Variants in GRM3 observed in about 807,000 individuals in gnomAD.
GRM3 encodes the protein metabotropic glutamate receptor 3.
In GRM3, 26 loss-of-function variants were observed where a neutral mutation model predicts 70.5. That is an observed-to-expected ratio of 0.37 (90% confidence interval 0.27 to 0.51). The LOEUF (loss-of-function observed/expected upper bound fraction) is 0.51, where lower values mean the gene tolerates loss of function less well. Among genes scored for constraint, GRM3 ranks in the 20% least tolerant of loss-of-function variants. The probability of loss-of-function intolerance (pLI) is 0.93; values close to 1 mark genes in which losing one functional copy is unlikely to be tolerated. For synonymous variants in GRM3, 443 were observed against 434.9 expected (o/e 1.02, Z -0.23); for missense variants, 859 against 1,123.8 (o/e 0.76, Z 3.37).
intron 3 of GRM3, among the ~76,000 whole-genome samples, chr7:86,804,830 G>A (rs1797754431): frequency 6.6e-6 from 1 of 152,194 alleles, no homozygotes; most frequent in Non-Finnish European, 1.5e-5. Context: ...GAGGATGGTA[G>A]GTATGAGTGT....
rs572744218 is a variant in GRM3, at chr7:86,789,992, C to A, written c.1324+2876C>A. ...CACAGGAGCTAACCACTGCCCAGGT[C>A]TCTAGGCTCATCTCCTGCTGTACAC... On this transcript the variant is annotated intron_variant, in intron 3 of 5. Transcript: ENST00000361669. Among the ~76,000 whole-genome samples the A allele has an allele frequency of 3.3e-5, 5 of 152,290 alleles. No individual in the cohort carries two copies. In the East Asian group the frequency reaches 9.6e-4, roughly 29 times the overall value.
intron 2 of GRM3, among the ~76,000 whole-genome samples, chr7:86,771,931 C>T (rs959474287): frequency 1.6e-4 from 25 of 152,090 alleles, no homozygotes; most frequent in African/African-American, 5.8e-4. Context: ...AGTGTTTCAT[C>T]CACCTAGAAT....
chr7:86,808,407 T>A (rs1797840645), intron 3 of GRM3, among the ~76,000 whole-genome samples: 1 of 152,056 alleles, frequency 6.6e-6, no homozygotes, highest in African/African-American at 2.4e-5. Flanking sequence ...ATTGCAGACC[T>A]TTTTACATAA....
At chr7:86,851,253 A>G (rs1260787162) in intron 5 of GRM3, among the ~76,000 whole-genome samples, 1 of 152,174 alleles carries the variant, frequency 6.6e-6, no homozygotes, top group African/African-American at 2.4e-5. Flanking sequence ...ATGTTTTCTC[A>G]GCTTAGAAGG....
intron 1 of GRM3, among the ~76,000 whole-genome samples, chr7:86,705,139 G>A (rs1584180295): frequency 6.6e-6 from 1 of 151,996 alleles, no homozygotes; most frequent in African/African-American, 2.4e-5. Context: ...GGTAGGTAAT[G>A]CTAAAATATA....
chr7:86,728,095 A>AAT (rs1351646297), intron 1 of GRM3, among the ~76,000 whole-genome samples: 4 of 152,134 alleles, frequency 2.6e-5, no homozygotes. Context: ...TTTTCCTGTG[A>AAT]ATATCCCTCC....
At chr7:86,714,836 T>C (rs1011279575) in intron 1 of GRM3, among the ~76,000 whole-genome samples, 1 of 151,928 alleles carries the variant, frequency 6.6e-6, no homozygotes, top group African/African-American at 2.4e-5. Context: ...GTTATGATAA[T>C]AAAGGGCACT....
chr7:86,701,312 T>C (rs1794942406), intron 1 of GRM3, among the ~76,000 whole-genome samples: 1 of 151,856 alleles, frequency 6.6e-6, no homozygotes, highest in African/African-American at 2.4e-5. Context: ...ACTTGAGAAG[T>C]TATTCAAAAC....
chr7:86,746,009 A>T (rs931560353), intron 1 of GRM3, among the ~76,000 whole-genome samples: 12 of 152,054 alleles, frequency 7.9e-5, no homozygotes, highest in African/African-American at 2.9e-4. Context: ...TGCCTAGGAA[A>T]AAAATAGGTT....
At position 86,714,290 on chromosome 7, in the gene GRM3, T is replaced by A. The variant is rs1444004222; in HGVS notation, c.-140-50716T>A. ...TTTCATGTGATGTAACTATACACTT[T>A]TTCTGAATTTTTTTAAACCCTGTGC... On this transcript the variant is annotated intron_variant, in intron 1 of 5. Transcript: ENST00000361669. Among the ~76,000 whole-genome samples the A allele has an allele frequency of 4.6e-5, 7 of 152,146 alleles. No individual in the cohort carries two copies. The East Asian group carries it at 9.7e-4, about 21-fold the overall frequency.
intron 3 of GRM3, among the ~76,000 whole-genome samples, chr7:86,814,572 T>C (rs925855891): frequency 2.6e-5 from 4 of 151,804 alleles, no homozygotes; most frequent in Non-Finnish European, 5.9e-5. Flanking sequence ...CTAACTGCCA[T>C]GGACTTTTTT....
chr7:86,822,965 C>G (rs999836113), intron 3 of GRM3, among the ~76,000 whole-genome samples: 1 of 152,044 alleles, frequency 6.6e-6, no homozygotes, highest in African/African-American at 2.4e-5. Context: ...ATCCTAAGAA[C>G]AGAAATTTCA....
At chr7:86,718,125 C>T (rs1795365474) in intron 1 of GRM3, among the ~76,000 whole-genome samples, 1 of 151,978 alleles carries the variant, frequency 6.6e-6, no homozygotes, top group Non-Finnish European at 1.5e-5. Context: ...GCCTTATTAG[C>T]AGGGTTTTAT....
chr7:86,820,989 T>A (rs1467231576), intron 3 of GRM3, among the ~76,000 whole-genome samples: 3 of 152,170 alleles, frequency 2.0e-5, no homozygotes. Context: ...CAAATTCCAA[T>A]ACTTCTTCAC....
chr7:86,719,623 GGAA>G (rs1795407428), intron 1 of GRM3, among the ~76,000 whole-genome samples: 1 of 152,020 alleles, frequency 6.6e-6, no homozygotes, highest in South Asian at 2.1e-4. Flanking sequence ...GTGGAAGGAA[GGAA>G]GAAGGGGATG....
chr7:86,700,133 T>TA (rs1794916983), intron 1 of GRM3, among the ~76,000 whole-genome samples: 1 of 151,984 alleles, frequency 6.6e-6, no homozygotes, highest in South Asian at 2.1e-4. Context: ...ATGAAACTGA[T>TA]ATATAATAGT....
intron 2 of GRM3, among the ~76,000 whole-genome samples, chr7:86,783,214 T>C (rs1226699859): frequency 6.6e-6 from 1 of 152,344 alleles, no homozygotes; most frequent in East Asian, 1.9e-4. Flanking sequence ...AGGCAGTCTA[T>C]GGTGTATACC....
chr7:86,655,502 T>C (rs867796847), intron 1 of GRM3, among the ~76,000 whole-genome samples: 10 of 152,002 alleles, frequency 6.6e-5, no homozygotes, highest in South Asian at 2.1e-4. Context: ...ATTTGTGTAA[T>C]AAAACAACAA....
intron 1 of GRM3, among the ~76,000 whole-genome samples, chr7:86,646,015 GTGGGA>G (rs1562811327): frequency 2.7e-3 from 156 of 57,214 alleles, no homozygotes; most frequent in African/African-American, 4.5e-3. Context: ...GTGGGGGGGG[GTGGGA>G]GGGAGTTTAG....
Sources: allele counts gnomAD v4.1 joint callset (sites outside exome capture counted in the v4.1 genomes callset), GRCh38; gene constraint gnomAD v4.1.1; transcripts MANE v1.5; gene names NCBI Gene and HGNC (gene_info 2026-07-23, HGNC 2026-07-21).